RAPGEF6: variants seen among roughly 807,000 people sequenced by gnomAD.
RAPGEF6 encodes the protein PDZ domain containing guanine nucleotide exchange factor (GEF) 2.
RAPGEF6 carries 56 observed loss-of-function variants against 171.4 expected under a neutral mutation model. That is an observed-to-expected ratio of 0.33 (90% CI 0.26 to 0.41). The LOEUF (loss-of-function observed/expected upper bound fraction) is 0.41, where lower values mean the gene tolerates loss of function less well. Ranked by LOEUF, RAPGEF6 falls within the 10% of genes least tolerant of loss-of-function variation. The pLI, the probability that RAPGEF6 is intolerant of heterozygous loss-of-function variation, is 1.00. For synonymous variants in RAPGEF6, 692 were observed against 650.1 expected (o/e 1.06, Z -0.98); for missense variants, 1,674 against 1,921.4 (o/e 0.87, Z 2.41).
chr5:131,589,859 C>G (rs1763487870), intron 4 of RAPGEF6, among the ~76,000 whole-genome samples: 2 of 152,208 alleles, frequency 1.3e-5, no homozygotes. Context: ...TTCCCTTCCC[C>G]TTCCTGCCAG....
chr5:131,427,879 T>C (rs1489554821), intron 27 of RAPGEF6, among the ~76,000 whole-genome samples: 1 of 152,072 alleles, frequency 6.6e-6, no homozygotes, highest in Non-Finnish European at 1.5e-5. Context: ...AGACTGAGGC[T>C]GGCAGATTGC....
intron 4 of RAPGEF6, among the ~76,000 whole-genome samples, chr5:131,568,412 C>T (rs1325767799): frequency 6.6e-6 from 1 of 151,862 alleles, no homozygotes; most frequent in Non-Finnish European, 1.5e-5. Context: ...CTCACTGCAG[C>T]CTAAAACTCC....
intron 1 of RAPGEF6, among the ~76,000 whole-genome samples, chr5:131,628,286 TAAA>T (rs1004851560): frequency 6.7e-6 from 1 of 149,604 alleles, no homozygotes; most frequent in Admixed American, 6.6e-5. Flanking sequence ...AAAAATGATT[TAAA>T]AAAAAAAAGT....
At chr5:131,514,074 T>C (rs1757919352) in intron 7 of RAPGEF6, among the ~76,000 whole-genome samples, 1 of 152,168 alleles carries the variant, frequency 6.6e-6, no homozygotes, top group African/African-American at 2.4e-5. Flanking sequence ...ACCTTTCTTA[T>C]ACCTCTACTT....
rs577991190 is a variant in RAPGEF6, at chr5:131,630,630, A to T, written c.69+4332T>A. On this transcript the variant is annotated intron_variant, in intron 1 of 27. Transcript: ENST00000509018. ...AATCTATAAGTAGGAGAAATCTCTCACACACACACTGTGTTAGAAAGATAT... is the reference window on the plus strand; with the variant it reads ...AATCTATAAGTAGGAGAAATCTCTCTCACACACACTGTGTTAGAAAGATAT... 9.8e-5 allele frequency among the ~76,000 whole-genome samples: 15 copies of T among 152,300 alleles called. No individual in the cohort carries two copies. The East Asian group carries it at 1.5e-3, about 16-fold the overall frequency.
At chr5:131,529,095 TCAACC>T in intron 6 of RAPGEF6, among the ~76,000 whole-genome samples, 1 of 149,910 alleles carries the variant, frequency 6.7e-6, no homozygotes, top group African/African-American at 2.5e-5. Flanking sequence ...ACCACTTAAG[TCAACC>T]TCCTGAAAGA....
chr5:131,490,605 G>A (rs2149872141), intron 14 of RAPGEF6, among the ~76,000 whole-genome samples: 1 of 152,190 alleles, frequency 6.6e-6, no homozygotes, highest in African/African-American at 2.4e-5. Flanking sequence ...ACTTCTCTTG[G>A]GCAACATTAA....
intron 13 of RAPGEF6, among the ~76,000 whole-genome samples, chr5:131,494,375 TGGAG>T (rs1756487249): frequency 6.6e-6 from 1 of 152,216 alleles, no homozygotes; most frequent in African/African-American, 2.4e-5. Flanking sequence ...ACTGTGGACT[TGGAG>T]GGAATTATCT....
chr5:131,444,169 T>C (rs1344910901), intron 22 of RAPGEF6, among the ~76,000 whole-genome samples: 1 of 152,202 alleles, frequency 6.6e-6, no homozygotes, highest in African/African-American at 2.4e-5. Context: ...ACAGCTATAA[T>C]AGCTATTATG....
chr5:131,547,578 T>C (rs1760634795), intron 6 of RAPGEF6, among the ~76,000 whole-genome samples: 1 of 151,390 alleles, frequency 6.6e-6, no homozygotes, highest in Non-Finnish European at 1.5e-5. Flanking sequence ...GGTGTGATAC[T>C]GGCTCACTAC....
intron 4 of RAPGEF6, among the ~76,000 whole-genome samples, chr5:131,578,070 T>A (rs1762711200): frequency 6.6e-6 from 1 of 152,206 alleles, no homozygotes; most frequent in African/African-American, 2.4e-5. Flanking sequence ...CTCCGAACCA[T>A]CGTAACTGAT....
Position 131,461,853 on chromosome 5 carries a change from T to C in RAPGEF6, c.2716A>G (p.Ile906Val), listed in dbSNP as rs1294068507. ...ACCCAGAATGTCTCTTGGTTTACAATGTCCTCAAACCTCTTCAAATGAGTA... is the reference window on the plus strand; with the variant it reads ...ACCCAGAATGTCTCTTGGTTTACAACGTCCTCAAACCTCTTCAAATGAGTA... ...GNTHLKRFED[I>V]VNQETFWVAS... Residue 906 changes from isoleucine to valine, a missense_variant, in exon 19 of 28, where the codon ATT (isoleucine) becomes GTT (valine). Transcript: ENST00000509018. The C allele has an allele frequency of 4.3e-6, 7 of 1,614,092 alleles. No homozygotes were observed. Among genetic ancestry groups the C allele is most frequent in the East Asian group, 4.5e-5 (2 of 44,880 alleles).
At chr5:131,461,599 A>G in intron 19 of RAPGEF6, 106 bp downstream of exon 19, 1 of 1,092,304 alleles carries the variant, frequency 9.2e-7, no homozygotes, top group Non-Finnish European at 1.3e-6. Flanking sequence ...ATAAAGGCAT[A>G]TTAATTGAAC....
intron 2 of RAPGEF6, 27 bp from the exon 3 acceptor site, chr5:131,603,354 T>A: frequency 7.1e-7 from 1 of 1,405,652 alleles, no homozygotes; most frequent in Non-Finnish European, 9.8e-7. Context: ...TTGAAGATTT[T>A]ATCTTACATT....
At chr5:131,438,200 G>T (rs1455504213) in intron 24 of RAPGEF6, among the ~76,000 whole-genome samples, 1 of 152,138 alleles carries the variant, frequency 6.6e-6, no homozygotes, top group Non-Finnish European at 1.5e-5. Context: ...ATCTTGGCCA[G>T]GCTAGTGTTG....
chr5:131,573,891 A>G (rs913357407), intron 4 of RAPGEF6, among the ~76,000 whole-genome samples: 1 of 152,176 alleles, frequency 6.6e-6, no homozygotes, highest in African/African-American at 2.4e-5. Context: ...TCCACTCCTG[A>G]CATTAGGAAA....
At chr5:131,517,785 A>G (rs1488473812) in intron 7 of RAPGEF6, among the ~76,000 whole-genome samples, 1 of 11,260 alleles carries the variant, frequency 8.9e-5, no homozygotes, top group Non-Finnish European at 5.0e-4. Context: ...GCATGTACAC[A>G]CACACACACA....
chr5:131,511,192 T>C (rs1476616964), intron 7 of RAPGEF6: 1 of 152,134 alleles, frequency 6.6e-6, no homozygotes, highest in African/African-American at 2.4e-5. Flanking sequence ...TTAAAAACCA[T>C]ATATTAAAAA....
intron 6 of RAPGEF6, among the ~76,000 whole-genome samples, chr5:131,521,887 ACACACTCTCT>A (rs1299285012): frequency 6.1e-5 from 8 of 130,816 alleles, no homozygotes; most frequent in Middle Eastern, 4.0e-3. Flanking sequence ...ACACACACAC[ACACACTCTCT>A]CTCTCTCTCA....
Sources: gnomAD v4.1 joint callset for allele counts (sites outside exome capture counted in the v4.1 genomes callset) on GRCh38, gnomAD v4.1.1 for gene constraint, MANE v1.5 for transcripts, NCBI Gene and HGNC (gene_info 2026-07-23, HGNC 2026-07-21) for gene names.